Variants in CEBPB observed in about 807,000 individuals in gnomAD.
The protein encoded by CEBPB is CCAAT/enhancer-binding protein beta.
For missense variants in CEBPB, 498 were observed against 533.1 expected (o/e 0.93, Z 0.65); for synonymous variants, 295 against 267.1 (o/e 1.10, Z -1.02).
In CEBPB at chr20:50,190,970, C is replaced by A. The variant is rs2081571216; in HGVS notation, c.-64C>A. ...GCGGCGACAGCTCAGAGCAGGGAGGCCGCGCCACCTGCGGGCCGGCCGGAG... is the reference window on the plus strand; with the variant it reads ...GCGGCGACAGCTCAGAGCAGGGAGGACGCGCCACCTGCGGGCCGGCCGGAG... On this transcript the variant is annotated 5_prime_UTR_variant, in exon 1 of 1. Transcript: ENST00000303004. 3 of 1,396,896 alleles carry A rather than the reference C, an allele frequency of 2.1e-6. No homozygotes were observed. Among genetic ancestry groups the A allele is most frequent in the Non-Finnish European group, 2.8e-6 (3 of 1,080,198 alleles). 86.5% of individuals were successfully genotyped at this position (1,396,896 alleles called of 1,614,324 possible). A position where few individuals can be genotyped will look rare whatever the true frequency, so the allele number is the denominator to read the frequency against.
chr20:50,192,359 C>T lies in CEBPB; in HGVS notation c.*288C>T, dbSNP rs966617547. On this transcript the variant is annotated 3_prime_UTR_variant, in exon 1 of 1. Transcript: ENST00000303004. ...TAAACTCTCTGCTTCTCCCTCTGCCCCTCTCCAGGCGCCGGCGGGCGGGCC... is the reference window on the plus strand; with the variant it reads ...TAAACTCTCTGCTTCTCCCTCTGCCTCTCTCCAGGCGCCGGCGGGCGGGCC... The T allele has an allele frequency of 5.8e-6, 1 of 171,892 alleles. No homozygotes were observed. The highest frequency in any genetic ancestry group is 6.5e-5 in the Admixed American group (1 of 15,408). 10.6% of individuals were successfully genotyped at this position (171,892 alleles called of 1,614,324 possible).
chr20:50,191,676 G>A lies in CEBPB; in HGVS notation c.643G>A (p.Ala215Thr). 7.0e-7 allele frequency: 1 copy of A among 1,438,334 alleles called. No individual in the cohort carries two copies. The highest frequency in any genetic ancestry group is 1.4e-5 in the South Asian group (1 of 70,842). The allele number at this position is 1,438,334 out of a possible 1,614,324, so 89.1% of individuals were successfully genotyped here. A position where few individuals can be genotyped will look rare whatever the true frequency, so the allele number is the denominator to read the frequency against. The change falls in exon 1 of 1, where the codon GCG becomes ACG. Residue 215 changes from alanine to threonine, a missense_variant. Coordinates refer to ENST00000303004, the MANE Select transcript of CEBPB (RefSeq NM_005194.4). The part of the protein sequence containing the change: ...YALRAYLGYQ[A>T]VPSGSSGSLS... ...GCTGCGCGCTTACCTCGGCTACCAG[G>A]CGGTGCCGAGCGGCAGCAGCGGGAG...
At position 50,191,851 on chromosome 20, in the gene CEBPB, A is replaced by G. The variant is rs1163247707; in HGVS notation, c.818A>G (p.Glu273Gly). The change falls in exon 1 of 1, where the codon GAG (glutamate) becomes GGG (glycine). Residue 273 changes from glutamate to glycine, a missense_variant. Physicochemically the swap from Glu to Gly is moderately conservative, Grantham distance 98 (BLOSUM62 -2). Coordinates refer to ENST00000303004, the MANE Select transcript of CEBPB (RefSeq NM_005194.4). ...AAGACCGTGGACAAGCACAGCGACG[A>G]GTACAAGATCCGGCGCGAGCGCAAC... ...AKKTVDKHSD[E>G]YKIRRERNNI... 6.2e-7 allele frequency: 1 copy of G among 1,608,050 alleles called. No individual in the cohort carries two copies. Among genetic ancestry groups the G allele is most frequent in the Non-Finnish European group, 8.5e-7 (1 of 1,177,526 alleles).
In CEBPB at chr20:50,191,719, C is replaced by A; in HGVS notation, c.686C>A (p.Ser229Ter). 1 of 1,511,980 alleles carries A rather than the reference C, an allele frequency of 6.6e-7. No individual in the cohort carries two copies. The highest frequency in any genetic ancestry group is 8.8e-7 in the Non-Finnish European group (1 of 1,136,322). The allele number at this position is 1,511,980 out of a possible 1,614,324, so 93.7% of individuals were successfully genotyped here. The change falls in exon 1 of 1, where the codon TCG (serine) becomes TAG (stop). Residue 229 changes from serine to a stop codon, truncating the protein, a stop_gained. Transcript: ENST00000303004. LOFTEE classifies it low-confidence loss of function (END_TRUNC). Reference sequence around the variant, plus strand: ...AGCGGGAGCCTCTCCACGTCCTCCTCGTCCAGCCCGCCCGGCACGCCGAGC... The same window carrying A: ...AGCGGGAGCCTCTCCACGTCCTCCTAGTCCAGCCCGCCCGGCACGCCGAGC... ...GSSGSLSTSSSSSPPGTPSPA... is the reference protein window; with the variant it reads ...GSSGSLSTSS
chr20:50,192,355 T>G lies in CEBPB; in HGVS notation c.*284T>G. The G allele has an allele frequency of 5.8e-6, 1 of 172,364 alleles. No individual in the cohort carries two copies. The highest frequency in any genetic ancestry group is 6.5e-5 in the Admixed American group (1 of 15,438). The allele number at this position is 172,364 out of a possible 1,614,324, so 10.7% of individuals were successfully genotyped here. On this transcript the variant is annotated 3_prime_UTR_variant, in exon 1 of 1. Coordinates refer to ENST00000303004, the MANE Select transcript of CEBPB (RefSeq NM_005194.4). Reference sequence around the variant, plus strand: ...ATGATAAACTCTCTGCTTCTCCCTCTGCCCCTCTCCAGGCGCCGGCGGGCG... The same window carrying G: ...ATGATAAACTCTCTGCTTCTCCCTCGGCCCCTCTCCAGGCGCCGGCGGGCG...
rs1243371848 is a variant in CEBPB, at chr20:50,190,911, C to A, written c.-123C>A. ...CCAGCCCCCTCACTAATAGCGGCCA[C>A]CCCGGCAGCGGCGGCAGCAGCAGCA... On this transcript the variant is annotated 5_prime_UTR_variant, in exon 1 of 1. Coordinates refer to ENST00000303004, the MANE Select transcript of CEBPB (RefSeq NM_005194.4). 23 of 1,270,732 alleles carry A rather than the reference C, an allele frequency of 1.8e-5. No individual in the cohort carries two copies. Among genetic ancestry groups the A allele is most frequent in the Middle Eastern group, 3.0e-4 (1 of 3,376 alleles). 78.7% of individuals were successfully genotyped at this position (1,270,732 alleles called of 1,614,324 possible). A position where few individuals can be genotyped will look rare whatever the true frequency, so the allele number is the denominator to read the frequency against.
In CEBPB at chr20:50,191,678, G is replaced by T; in HGVS notation, c.645G>T (p.Ala215=). The T allele has an allele frequency of 7.0e-7, 1 of 1,438,480 alleles. No homozygotes were observed. The highest frequency in any genetic ancestry group is 9.0e-7 in the Non-Finnish European group (1 of 1,107,614). The allele number at this position is 1,438,480 out of a possible 1,614,324, so 89.1% of individuals were successfully genotyped here. A position where few individuals can be genotyped will look rare whatever the true frequency, so the allele number is the denominator to read the frequency against. Residue 215 remains alanine (A), a synonymous_variant, in exon 1 of 1, where the codon GCG becomes GCT. Coordinates refer to ENST00000303004, the MANE Select transcript of CEBPB (RefSeq NM_005194.4). Reference sequence around the variant, plus strand: ...TGCGCGCTTACCTCGGCTACCAGGCGGTGCCGAGCGGCAGCAGCGGGAGCC... The same window carrying T: ...TGCGCGCTTACCTCGGCTACCAGGCTGTGCCGAGCGGCAGCAGCGGGAGCC... ...YALRAYLGYQ[A]VPSGSSGSLS...
Position 50,191,441 on chromosome 20 carries a change from G to A in CEBPB, c.408G>A (p.Glu136=). ...YGGKNCKKPA[E]YGYVSLGRLG... ...GCAAGAACTGCAAGAAGCCGGCCGA[G>A]TACGGCTACGTGAGCCTGGGGCGCC... is the stretch of plus-strand genomic sequence containing the variant. The change falls in exon 1 of 1, where the codon GAG becomes GAA. Residue 136 remains glutamate, a synonymous_variant. Coordinates refer to ENST00000303004, the MANE Select transcript of CEBPB (RefSeq NM_005194.4). 2.6e-6 allele frequency: 4 copies of A among 1,520,260 alleles called. No homozygotes were observed. The highest frequency in any genetic ancestry group is 3.5e-6 in the Non-Finnish European group (4 of 1,132,036). 94.2% of individuals were successfully genotyped at this position (1,520,260 alleles called of 1,614,324 possible).
At position 50,192,637 on chromosome 20, in the gene CEBPB, A is replaced by G. The variant is rs1427674915; in HGVS notation, c.*566A>G. 1 of 166,860 alleles carries G rather than the reference A, an allele frequency of 6.0e-6. No homozygotes were observed. Among genetic ancestry groups the G allele is most frequent in the East Asian group, 1.9e-4 (1 of 5,204 alleles). 10.3% of individuals were successfully genotyped at this position (166,860 alleles called of 1,614,324 possible). On this transcript the variant is annotated 3_prime_UTR_variant, in exon 1 of 1. Transcript: ENST00000303004. ...CTTTTCCGTTTCAAGCATTAAGAAC[A>G]CTTTTAATAAACTTTTTTTTGAGAA...
rs1234437973 is a variant in CEBPB, at chr20:50,192,126, C to CCGCGCCCGCGCCCT, written c.*59_*72dup. 17 of 1,292,256 alleles carry CCGCGCCCGCGCCCT rather than the reference C, an allele frequency of 1.3e-5. No individual in the cohort carries two copies. In the East Asian group the frequency reaches 5.3e-4, roughly 40 times the overall value. The allele number at this position is 1,292,256 out of a possible 1,614,324, so 80.0% of individuals were successfully genotyped here. A position where few individuals can be genotyped will look rare whatever the true frequency, so the allele number is the denominator to read the frequency against. On this transcript the variant is annotated 3_prime_UTR_variant, in exon 1 of 1. Coordinates refer to ENST00000303004, the MANE Select transcript of CEBPB (RefSeq NM_005194.4). ...CCGGGGCTGAGACTCCGGGGAGCGCCCGCGCCCGCGCCCTCGCCCCCGCCC... is the reference window on the plus strand; with the variant it reads ...CCGGGGCTGAGACTCCGGGGAGCGCCCGCGCCCGCGCCCTCGCGCCCGCGCCCTCGCCCCCGCCC...
At position 50,191,658 on chromosome 20, in the gene CEBPB, G is replaced by T; in HGVS notation, c.625G>T (p.Ala209Ser). The T allele has an allele frequency of 1.4e-6, 2 of 1,414,874 alleles. No homozygotes were observed. Among genetic ancestry groups the T allele is most frequent in the Non-Finnish European group, 1.8e-6 (2 of 1,095,230 alleles). 87.6% of individuals were successfully genotyped at this position (1,414,874 alleles called of 1,614,324 possible). A position where few individuals can be genotyped will look rare whatever the true frequency, so the allele number is the denominator to read the frequency against. Residue 209 changes from alanine (A) to serine (S), a missense_variant, in exon 1 of 1, where the codon GCT (alanine) becomes TCT (serine). By Grantham distance (99) the Ala-to-Ser change is moderately conservative. Coordinates refer to ENST00000303004, the MANE Select transcript of CEBPB (RefSeq NM_005194.4). Reference protein sequence around the residue: ...MAAGFPYALRAYLGYQAVPSG... With the variant: ...MAAGFPYALRSYLGYQAVPSG... ...GGCGGGCTTCCCGTACGCGCTGCGC[G>T]CTTACCTCGGCTACCAGGCGGTGCC... is the stretch of plus-strand genomic sequence containing the variant.
chr20:50,192,089 T>A lies in CEBPB; in HGVS notation c.*18T>A, dbSNP rs2081582985. On this transcript the variant is annotated 3_prime_UTR_variant, in exon 1 of 1. Coordinates refer to ENST00000303004, the MANE Select transcript of CEBPB (RefSeq NM_005194.4). ...ACTGCTAGCGCGGCCCCCGCGCGCG[T>A]CCCCCTGCCGGCCGGGGCTGAGACT... The A allele has an allele frequency of 6.7e-7, 1 of 1,496,282 alleles. No individual in the cohort carries two copies. Among genetic ancestry groups the A allele is most frequent in the Admixed American group, 2.3e-5 (1 of 43,072 alleles). The allele number at this position is 1,496,282 out of a possible 1,614,324, so 92.7% of individuals were successfully genotyped here.
At position 50,191,691 on chromosome 20, in the gene CEBPB, A is replaced by G; in HGVS notation, c.658A>G (p.Ser220Gly). ...YLGYQAVPSGSSGSLSTSSSS... is the reference protein window; with the variant it reads ...YLGYQAVPSGGSGSLSTSSSS... The stretch of plus-strand genomic sequence containing the variant: ...CGGCTACCAGGCGGTGCCGAGCGGC[A>G]GCAGCGGGAGCCTCTCCACGTCCTC... The change falls in exon 1 of 1, where the codon AGC becomes GGC. Residue 220 changes from serine (S) to glycine (G), a missense_variant. Transcript: ENST00000303004. 4 of 1,458,578 alleles carry G rather than the reference A, an allele frequency of 2.7e-6. No homozygotes were observed. Among genetic ancestry groups the G allele is most frequent in the Non-Finnish European group, 2.7e-6 (3 of 1,116,534 alleles). 90.4% of individuals were successfully genotyped at this position (1,458,578 alleles called of 1,614,324 possible).
chr20:50,190,888 A>G lies in CEBPB; in HGVS notation c.-146A>G. On this transcript the variant is annotated 5_prime_UTR_variant, in exon 1 of 1. Transcript: ENST00000303004. ...GGACCCACCCGAGGGTCCAGCCACC[A>G]GCCCCCTCACTAATAGCGGCCACCC... The G allele has an allele frequency of 9.7e-7, 1 of 1,035,310 alleles. No individual in the cohort carries two copies. The highest frequency in any genetic ancestry group is 1.3e-6 in the Non-Finnish European group (1 of 783,488). The allele number at this position is 1,035,310 out of a possible 1,614,324, so 64.1% of individuals were successfully genotyped here. A position where few individuals can be genotyped will look rare whatever the true frequency, so the allele number is the denominator to read the frequency against.
At chr20:50,190,829 T>C (rs899837644), upstream of CEBPB, 25 of 459,456 alleles carry the variant, frequency 5.4e-5, no homozygotes, top group East Asian at 7.5e-5. Flanking sequence ...GGAGAAACTT[T>C]AGCGAGTCAG....
rs1021117795 is a variant in CEBPB, at chr20:50,192,121, A to AGCGCCC, written c.*63_*68dup. 915 of 1,350,948 alleles carry AGCGCCC rather than the reference A, an allele frequency of 6.8e-4. 2 individuals are homozygous for AGCGCCC. The African/African-American group carries it at 6.8e-3, about 10-fold the overall frequency. 83.7% of individuals were successfully genotyped at this position (1,350,948 alleles called of 1,614,324 possible). A position where few individuals can be genotyped will look rare whatever the true frequency, so the allele number is the denominator to read the frequency against. On this transcript the variant is annotated 3_prime_UTR_variant, in exon 1 of 1. Coordinates refer to ENST00000303004, the MANE Select transcript of CEBPB (RefSeq NM_005194.4). Reference sequence around the variant, plus strand: ...GCCGGCCGGGGCTGAGACTCCGGGGAGCGCCCGCGCCCGCGCCCTCGCCCC... The same window carrying AGCGCCC: ...GCCGGCCGGGGCTGAGACTCCGGGGAGCGCCCGCGCCCGCGCCCGCGCCCTCGCCCC...
chr20:50,191,208 C>T lies in CEBPB; in HGVS notation c.175C>T (p.Pro59Ser), dbSNP rs987282182. 7.7e-7 allele frequency: 1 copy of T among 1,302,542 alleles called. No homozygotes were observed. The highest frequency in any genetic ancestry group is 9.7e-7 in the Non-Finnish European group (1 of 1,028,470). The allele number at this position is 1,302,542 out of a possible 1,614,324, so 80.7% of individuals were successfully genotyped here. A position where few individuals can be genotyped will look rare whatever the true frequency, so the allele number is the denominator to read the frequency against. Residue 59 changes from proline to serine, a missense_variant, in exon 1 of 1, where the codon CCC (proline) becomes TCC (serine). Pro to Ser is a moderately conservative substitution (Grantham distance 74, BLOSUM62 -1). Transcript: ENST00000303004. Reference protein sequence around the residue: ...PPAARPGPRPPAGELGSIGDH... With the variant: ...PPAARPGPRPSAGELGSIGDH... ...CGCGGCCAGACCCGGGCCGCGCCCC[C>T]CCGCCGGCGAGCTGGGCAGCATCGG... is the stretch of plus-strand genomic sequence containing the variant.
chr20:50,191,796 G>C lies in CEBPB; in HGVS notation c.763G>C (p.Ala255Pro). The C allele has an allele frequency of 1.3e-6, 2 of 1,555,974 alleles. No individual in the cohort carries two copies. The highest frequency in any genetic ancestry group is 1.7e-6 in the Non-Finnish European group (2 of 1,151,646). Residue 255 changes from alanine (A) to proline (P), a missense_variant, in exon 1 of 1, where the codon GCG (alanine) becomes CCG (proline). Transcript: ENST00000303004. ...PTACYAGAAP[A>P]PSQVKSKAKK... The stretch of plus-strand genomic sequence containing the variant: ...CGCCTGCTACGCGGGGGCCGCGCCG[G>C]CGCCCTCGCAGGTCAAGAGCAAGGC...
At chr20:50,190,785 T>C (rs1364583770), upstream of CEBPB, 7 of 351,128 alleles carry the variant, frequency 2.0e-5, no homozygotes, top group Non-Finnish European at 3.0e-5. Flanking sequence ...ACGCAGCGGT[T>C]GCTACGGGCC....
Sources: allele counts gnomAD v4.1 joint callset, GRCh38; gene constraint gnomAD v4.1.1; transcripts MANE v1.5; gene names NCBI Gene and HGNC (gene_info 2026-07-23, HGNC 2026-07-21).